Variants in SCAF8 observed in about 807,000 individuals in gnomAD.
The protein encoded by SCAF8 is SR-related and CTD-associated factor 8.
In SCAF8, 23 loss-of-function variants were observed where a neutral mutation model predicts 140.5. The observed-to-expected ratio is 0.16, with a 90% CI of 0.12 to 0.23. The LOEUF is 0.23. SCAF8 is among the 10% of genes least tolerant of loss of function. The pLI, the probability that SCAF8 is intolerant of heterozygous loss-of-function variation, is 1.00. For missense variants in SCAF8, 1,397 were observed against 1,555.7 expected, an observed-to-expected ratio of 0.90 and a Z score of 1.72; for synonymous variants, 575 against 528.9, an observed-to-expected ratio of 1.09 and a Z score of -1.20.
chr6:154,764,761 A>G (rs569006582), intron 1 of SCAF8, among the ~76,000 whole-genome samples: 1 of 152,344 alleles, frequency 6.6e-6, no homozygotes, highest in Admixed American at 6.5e-5. Flanking sequence ...ATCAGCAGGC[A>G]AAGGAGAAAA....
chr6:154,793,087 A>G, intron 5 of SCAF8, 111 bp downstream of exon 5: 1 of 652,686 alleles, frequency 1.5e-6, no homozygotes, highest in Non-Finnish European at 2.3e-6. Flanking sequence ...CCAGCATTAC[A>G]TAATTGAAAG....
At chr6:154,816,835 G>C (rs569268603) in intron 13 of SCAF8, among the ~76,000 whole-genome samples, 34 of 152,274 alleles carry the variant, frequency 2.2e-4, no homozygotes, top group African/African-American at 7.9e-4. Flanking sequence ...ACTTTTGACT[G>C]TGTGTGATCT....
rs1364499223 is a variant in SCAF8, at chr6:154,833,838, C to G, written c.*443C>G. 5.2e-5 allele frequency: 8 copies of G among 155,300 alleles called. No homozygotes were observed. Among genetic ancestry groups the G allele is most frequent in the African/African-American group, 1.9e-4 (8 of 41,444 alleles). 9.6% of individuals were successfully genotyped at this position (155,300 alleles called of 1,614,324 possible). On this transcript the variant is annotated 3_prime_UTR_variant, in exon 20 of 20. Coordinates refer to ENST00000367178, the MANE Select transcript of SCAF8 (RefSeq NM_014892.5). ...AAAGCTGTGATATTTTATGCAAAGA[C>G]TGGCTCTAGGTATTTGAGGAGCACA...
chr6:154,816,997 A>G (rs1778269744), intron 13 of SCAF8, among the ~76,000 whole-genome samples: 1 of 151,802 alleles, frequency 6.6e-6, no homozygotes, highest in Non-Finnish European at 1.5e-5. Flanking sequence ...TTTCTTTACC[A>G]CAAGAGTGCT....
At chr6:154,809,100 C>T (rs1049116814) in intron 11 of SCAF8, among the ~76,000 whole-genome samples, 1 of 151,994 alleles carries the variant, frequency 6.6e-6, no homozygotes, top group East Asian at 1.9e-4. Flanking sequence ...TGCCCCTGAA[C>T]AACAGTTAAG....
chr6:154,800,419 A>G (rs1777739898), intron 6 of SCAF8, among the ~76,000 whole-genome samples: 1 of 151,616 alleles, frequency 6.6e-6, no homozygotes, highest in Admixed American at 6.6e-5. Flanking sequence ...TAGTCTGTGT[A>G]AGCTATTAAT....
intron 4 of SCAF8, 84 bp downstream of exon 4, chr6:154,788,106 G>A (rs1313618834): frequency 1.8e-6 from 2 of 1,132,490 alleles, no homozygotes; most frequent in Non-Finnish European, 1.3e-6. Context: ...GATTATCTTA[G>A]TACAGTCATG....
At chr6:154,762,878 T>A (rs1776446910) in intron 1 of SCAF8, among the ~76,000 whole-genome samples, 1 of 152,172 alleles carries the variant, frequency 6.6e-6, no homozygotes, top group South Asian at 2.1e-4. Flanking sequence ...AATAATAATT[T>A]TATATTGCTG....
chr6:154,745,525 C>A (rs1778676495), intron 1 of SCAF8, among the ~76,000 whole-genome samples: 1 of 152,116 alleles, frequency 6.6e-6, no homozygotes, highest in African/African-American at 2.4e-5. Context: ...AGGTGCATGC[C>A]ACCATGCCTG....
chr6:154,784,250 G>C (rs1467865489), intron 3 of SCAF8, among the ~76,000 whole-genome samples: 1 of 150,666 alleles, frequency 6.6e-6, no homozygotes, highest in African/African-American at 2.4e-5. Flanking sequence ...GATACAAAGA[G>C]ATTTTTGTAC....
intron 6 of SCAF8, among the ~76,000 whole-genome samples, chr6:154,799,604 G>A (rs1369637914): frequency 6.6e-6 from 1 of 150,838 alleles, no homozygotes; most frequent in East Asian, 1.9e-4. Flanking sequence ...TCTTTCTCCT[G>A]TAACTTGTTC....
At chr6:154,767,226 A>G (rs886543732) in intron 1 of SCAF8, among the ~76,000 whole-genome samples, 15 of 152,116 alleles carry the variant, frequency 9.9e-5, no homozygotes, top group Admixed American at 2.6e-4. Context: ...GTCTTTTCCT[A>G]TCAAGGCTCA....
chr6:154,733,844 C>T lies in SCAF8; in HGVS notation c.-57C>T, dbSNP rs1264123487. On this transcript the variant is annotated 5_prime_UTR_variant, in exon 1 of 20. Coordinates refer to ENST00000367178, the MANE Select transcript of SCAF8 (RefSeq NM_014892.5). ...CAGCCCGCGTCTCGCTCTCCCCACC[C>T]AGTGCAGTGGCCGCCGCCTCTTCCG... The T allele has an allele frequency of 2.0e-6, 3 of 1,536,974 alleles. No homozygotes were observed. The highest frequency in any genetic ancestry group is 2.7e-5 in the East Asian group (1 of 37,142).
At chr6:154,744,673 A>G (rs922657801) in intron 1 of SCAF8, among the ~76,000 whole-genome samples, 3 of 152,114 alleles carry the variant, frequency 2.0e-5, no homozygotes, top group African/African-American at 7.2e-5. Context: ...CCATCATTCA[A>G]TTTTTCATAG....
intron 1 of SCAF8, among the ~76,000 whole-genome samples, chr6:154,734,480 G>T (rs1562416984): frequency 1.3e-5 from 2 of 152,184 alleles, no homozygotes; most frequent in Non-Finnish European, 2.9e-5. Context: ...GAGCTAATTG[G>T]ATGGTTGGTA....
In SCAF8 at chr6:154,823,276, A is replaced by C. The variant is rs575879854; in HGVS notation, c.1926+867A>C. On this transcript the variant is annotated intron_variant, in intron 16 of 19. Coordinates refer to ENST00000367178, the MANE Select transcript of SCAF8 (RefSeq NM_014892.5). Reference sequence around the variant, plus strand: ...GAGGAGTCATTGGAGGATTTTGAGCAGAGGAGTGACTTGATCTGGCTTACA... The same window carrying C: ...GAGGAGTCATTGGAGGATTTTGAGCCGAGGAGTGACTTGATCTGGCTTACA... 9.8e-5 allele frequency among the ~76,000 whole-genome samples: 15 copies of C among 152,306 alleles called. No individual in the cohort carries two copies. In the East Asian group the frequency reaches 1.5e-3, roughly 16 times the overall value.
Position 154,747,896 on chromosome 6 carries a change from C to CTA in SCAF8, c.30+13967_30+13968insAT, listed in dbSNP as rs3221130. On this transcript the variant is annotated intron_variant, in intron 1 of 19. Transcript: ENST00000367178. The stretch of plus-strand genomic sequence containing the variant: ...CCTTCATGGAGTTTACATTTCATTT[C>CTA]TGTGTGTGTGTGTGTGTGTGTGTGT... Among the ~76,000 whole-genome samples the CTA allele has an allele frequency of 2.3e-3, 334 of 144,734 alleles. 1 individual carries two copies. The highest frequency in any genetic ancestry group is 7.1e-3 in the Middle Eastern group (2 of 282). The allele number at this position is 144,734 out of a possible 152,430, so 95.0% of individuals were successfully genotyped here.
chr6:154,780,139 T>G (rs536094591), intron 3 of SCAF8, among the ~76,000 whole-genome samples: 10 of 152,314 alleles, frequency 6.6e-5, no homozygotes, highest in African/African-American at 2.2e-4. Flanking sequence ...TTCCCTTTTA[T>G]ATACTCTATA....
chr6:154,824,290 G>A lies in SCAF8; in HGVS notation c.1983G>A (p.Val661=). The part of the protein sequence containing the change: ...TVSLVPPAFP[V]SMPVPPPGFS... The stretch of plus-strand genomic sequence containing the variant: ...GTTTAGTCCCACCAGCATTTCCTGT[G>A]TCGATGCCGGTTCCTCCTCCTGGAT... The change falls in exon 17 of 20, where the codon GTG becomes GTA. Residue 661 remains valine, a synonymous_variant. Transcript: ENST00000367178. 1.2e-6 allele frequency: 2 copies of A among 1,614,062 alleles called. No homozygotes were observed. Among genetic ancestry groups the A allele is most frequent in the Non-Finnish European group, 1.7e-6 (2 of 1,179,932 alleles).
Sources: gnomAD v4.1 joint callset for allele counts (sites outside exome capture counted in the v4.1 genomes callset) on GRCh38, gnomAD v4.1.1 for gene constraint, MANE v1.5 for transcripts, NCBI Gene and HGNC (gene_info 2026-07-23, HGNC 2026-07-21) for gene names.